Variants in DUSP12 observed in about 807,000 individuals in gnomAD.
DUSP12 encodes the protein dual specificity protein phosphatase 12.
Under a neutral mutation model 38.9 loss-of-function variants are expected in DUSP12, and 25 were observed. That is an observed-to-expected ratio of 0.64 (90% confidence interval 0.47 to 0.90). The LOEUF (loss-of-function observed/expected upper bound fraction) is 0.90, where lower values mean the gene tolerates loss of function less well. DUSP12 is among the 40% of genes least tolerant of loss of function. The pLI, the probability that DUSP12 is intolerant of heterozygous loss-of-function variation, is 0.00. For synonymous variants in DUSP12, 153 were observed against 153.9 expected (o/e 0.99, Z 0.05); for missense variants, 403 against 427.0 (o/e 0.94, Z 0.50).
chr1:161,753,901 T>C (rs1225707076), intron 5 of DUSP12, among the ~76,000 whole-genome samples: 1 of 146,006 alleles, frequency 6.8e-6, no homozygotes. Context: ...TTTGTTTTGC[T>C]ATGAGATTCT....
chr1:161,751,772 C>A lies in DUSP12; in HGVS notation c.449C>A (p.Pro150Gln), dbSNP rs1222930018. Residue 150 changes from proline (P) to glutamine (Q), a missense_variant, in exon 2 of 6, where the codon CCA becomes CAA. Coordinates refer to ENST00000367943, the MANE Select transcript of DUSP12 (RefSeq NM_007240.3). ...KAYEKLQILK[P>Q]EAKMNEGFEW... ...TATGAAAAGCTCCAGATTCTCAAAC[C>A]AGAGGCTAAGTGGGTTCTTTTTTTA... 1 of 1,612,318 alleles carries A rather than the reference C, an allele frequency of 6.2e-7. No homozygotes were observed. The highest frequency in any genetic ancestry group is 2.2e-5 in the East Asian group (1 of 44,854).
chr1:161,753,290 T>G (rs1167178624), intron 5 of DUSP12, 29 bp downstream of exon 5: 2 of 1,497,920 alleles, frequency 1.3e-6, no homozygotes, highest in Non-Finnish European at 1.8e-6. Context: ...TTCTACAATT[T>G]TATTTTATGA....
Position 161,753,163 on chromosome 1 carries a change from T to C in DUSP12, c.763T>C (p.Ser255Pro), listed in dbSNP as rs762443443. The change falls in exon 5 of 6, where the codon TCC becomes CCC. Residue 255 changes from serine (S) to proline (P), a missense_variant. Coordinates refer to ENST00000367943, the MANE Select transcript of DUSP12 (RefSeq NM_007240.3). ...AFAHKRMTPS[S>P]MLTTGRQAQC... The stretch of plus-strand genomic sequence containing the variant: ...TGCCCACAAGAGAATGACACCATCT[T>C]CCATGCTTACCACAGGGAGGCAAGC... The C allele has an allele frequency of 1.9e-6, 3 of 1,614,122 alleles. No individual in the cohort carries two copies. The highest frequency in any genetic ancestry group is 2.5e-6 in the Non-Finnish European group (3 of 1,179,984).
intron 5 of DUSP12, among the ~76,000 whole-genome samples, chr1:161,754,358 A>ACATAACAT: frequency 6.6e-6 from 1 of 152,244 alleles, no homozygotes; most frequent in Non-Finnish European, 1.5e-5. Flanking sequence ...GCCTTATTAT[A>ACATAACAT]GTATAATTCA....
chr1:161,754,423 A>G (rs1360322981), intron 5 of DUSP12, among the ~76,000 whole-genome samples: 4 of 152,178 alleles, frequency 2.6e-5, no homozygotes, highest in African/African-American at 9.7e-5. Flanking sequence ...TTTAAAGTGT[A>G]TTCACAGTGG....
Position 161,753,617 on chromosome 1 carries a change from T to G in DUSP12, c.861+356T>G, listed in dbSNP as rs1243227833. Among the ~76,000 whole-genome samples the G allele has an allele frequency of 2.0e-5, 3 of 152,056 alleles. No homozygotes were observed. In the East Asian group the frequency reaches 5.8e-4, roughly 29 times the overall value. On this transcript the variant is annotated intron_variant, in intron 5 of 5. Coordinates refer to ENST00000367943, the MANE Select transcript of DUSP12 (RefSeq NM_007240.3). ...GCTCATGCCTGTAATCTGAGCACTT[T>G]GGGAGGCTGAGGCGGGAGGATCACT...
In DUSP12 at chr1:161,753,258, A is replaced by T. The variant is rs747245079; in HGVS notation, c.858A>T (p.Gly286=). 6.4e-7 allele frequency: 1 copy of T among 1,563,266 alleles called. No homozygotes were observed. The highest frequency in any genetic ancestry group is 8.7e-7 in the Non-Finnish European group (1 of 1,154,846). The change falls in exon 5 of 6, where the codon GGA becomes GGT. Residue 286 remains glycine, a synonymous_variant. Transcript: ENST00000367943. ...CTGCTTTGTTGGGAGTGATGGATGGACAGGTGAGAACACATTTTATTTTCT... is the reference window on the plus strand; with the variant it reads ...CTGCTTTGTTGGGAGTGATGGATGGTCAGGTGAGAACACATTTTATTTTCT... The part of the protein sequence containing the change: ...MESALLGVMD[G]QLLCPKCSAK...
In DUSP12 at chr1:161,751,789, CT is replaced by C; in HGVS notation, c.458+15del. 1 of 1,603,258 alleles carries C rather than the reference CT, an allele frequency of 6.2e-7. No individual in the cohort carries two copies. Among genetic ancestry groups the C allele is most frequent in the South Asian group, 1.1e-5 (1 of 88,384 alleles). On this transcript the variant is annotated intron_variant, in intron 2 of 5. Coordinates refer to ENST00000367943, the MANE Select transcript of DUSP12 (RefSeq NM_007240.3). ...TCTCAAACCAGAGGCTAAGTGGGTT[CT>C]TTTTTTATAGTAATAATTATGCTTT...
intron 5 of DUSP12, among the ~76,000 whole-genome samples, chr1:161,754,895 A>G (rs1227428499): frequency 1.3e-5 from 2 of 152,106 alleles, no homozygotes; most frequent in Non-Finnish European, 2.9e-5. Context: ...CAATGGCACA[A>G]TCTTGGCTCA....
intron 4 of DUSP12, among the ~76,000 whole-genome samples, chr1:161,752,780 G>A (rs1003506027): frequency 4.6e-5 from 7 of 152,000 alleles, no homozygotes; most frequent in Non-Finnish European, 8.8e-5. Flanking sequence ...ACCTGAGATT[G>A]GGAATTTGAG....
chr1:161,750,351 G>A (rs1683998236), intron 1 of DUSP12, among the ~76,000 whole-genome samples: 2 of 152,236 alleles, frequency 1.3e-5, no homozygotes, highest in African/African-American at 4.8e-5. Context: ...ATTCATTCAT[G>A]CTTTAGTTGG....
At chr1:161,754,180 C>T (rs2101696037) in intron 5 of DUSP12, among the ~76,000 whole-genome samples, 1 of 152,230 alleles carries the variant, frequency 6.6e-6, no homozygotes, top group Middle Eastern at 3.4e-3. Flanking sequence ...AACCCTTTCA[C>T]TGTATTATAC....
At position 161,753,066 on chromosome 1, in the gene DUSP12, G is replaced by A. The variant is rs1684051922; in HGVS notation, c.675-9G>A. ...GTCATTAATGCTTTTGTTTGTTTGG[G>A]GGTTGCAGGCGATCATTATTTCGAA... On this transcript the variant is annotated splice_polypyrimidine_tract_variant and intron_variant, in intron 4 of 5. Transcript: ENST00000367943. The A allele has an allele frequency of 1.3e-6, 2 of 1,588,592 alleles. No individual in the cohort carries two copies. Among genetic ancestry groups the A allele is most frequent in the Admixed American group, 3.6e-5 (2 of 56,008 alleles).
In DUSP12 at chr1:161,751,962, A is replaced by G. The variant is rs1173923304; in HGVS notation, c.555A>G (p.Gln185=). Residue 185 remains glutamine, a synonymous_variant, in exon 3 of 6, where the codon CAA becomes CAG. Coordinates refer to ENST00000367943, the MANE Select transcript of DUSP12 (RefSeq NM_007240.3). ...SSAIYKQYRL[Q]KVTEKYPELQ... ...CAATTTATAAGCAATATCGTTTACA[A>G]AAGGTTACAGAGAAGTATCCAGGTA... The G allele has an allele frequency of 6.2e-7, 1 of 1,610,300 alleles. No individual in the cohort carries two copies. Among genetic ancestry groups the G allele is most frequent in the African/African-American group, 1.3e-5 (1 of 74,784 alleles).
rs765014465 is a variant in DUSP12 at position 161,752,465 on chromosome 1, G to A, written c.674+1G>A. The A allele has an allele frequency of 2.0e-5, 32 of 1,593,466 alleles. No individual in the cohort carries two copies. The highest frequency in any genetic ancestry group is 2.7e-5 in the Non-Finnish European group (31 of 1,163,664). The stretch of plus-strand genomic sequence containing the variant: ...TTCTCTACAAGTGTAGAAAGTGCAG[G>A]TAAACTATTTTATATCCTTTGGATA... On this transcript the variant is annotated splice_donor_variant, in intron 4 of 5. Coordinates refer to ENST00000367943, the MANE Select transcript of DUSP12 (RefSeq NM_007240.3). LOFTEE classifies it high-confidence loss of function.
chr1:161,754,686 A>G (rs563348134), intron 5 of DUSP12, among the ~76,000 whole-genome samples: 25 of 152,314 alleles, frequency 1.6e-4, no homozygotes, highest in Non-Finnish European at 2.4e-4. Flanking sequence ...GTGCTCATTC[A>G]CTATCACGAG....
rs369447270 is a variant in DUSP12, at chr1:161,753,113, G to A, written c.713G>A (p.Arg238His). The A allele has an allele frequency of 5.8e-5, 94 of 1,611,676 alleles. No homozygotes were observed. Among genetic ancestry groups the A allele is most frequent in the Non-Finnish European group, 7.9e-5 (93 of 1,179,152 alleles). Residue 238 changes from arginine to histidine, a missense_variant, in exon 5 of 6, where the codon CGT (arginine) becomes CAT (histidine). Arg to His is a conservative substitution (Grantham distance 29). Transcript: ENST00000367943. ...CGAAGTTCTAGTATTCTGGATCACC[G>A]TGAAGGAAGTGGACCTATAGCCTTT... ...LFRSSSILDH[R>H]EGSGPIAFAH...
chr1:161,757,213 T>C lies in DUSP12; in HGVS notation c.*266T>C, dbSNP rs1331956489. On this transcript the variant is annotated 3_prime_UTR_variant, in exon 6 of 6. Coordinates refer to ENST00000367943, the MANE Select transcript of DUSP12 (RefSeq NM_007240.3). ...AAAAGTTTTGATTGTTGGAATGTTA[T>C]ATGATCTTAAGGTCTGTATAGACAA... 3.7e-6 allele frequency: 1 copy of C among 272,892 alleles called. No homozygotes were observed. Among genetic ancestry groups the C allele is most frequent in the East Asian group, 6.6e-5 (1 of 15,064 alleles). 16.9% of individuals were successfully genotyped at this position (272,892 alleles called of 1,614,324 possible).
rs1388910411 is a variant in DUSP12, at chr1:161,757,153, T to A, written c.*206T>A. On this transcript the variant is annotated 3_prime_UTR_variant, in exon 6 of 6. Transcript: ENST00000367943. ...CATTTTATTTGATATTAAAATCTTTTATAACCAGATACTGTCTGTGTTTCA... is the reference window on the plus strand; with the variant it reads ...CATTTTATTTGATATTAAAATCTTTAATAACCAGATACTGTCTGTGTTTCA... 2.3e-6 allele frequency: 1 copy of A among 438,594 alleles called. No individual in the cohort carries two copies. Among genetic ancestry groups the A allele is most frequent in the East Asian group, 3.6e-5 (1 of 27,866 alleles). 27.2% of individuals were successfully genotyped at this position (438,594 alleles called of 1,614,324 possible).
Sources: gnomAD v4.1 joint callset for allele counts (sites outside exome capture counted in the v4.1 genomes callset) on GRCh38, gnomAD v4.1.1 for gene constraint, MANE v1.5 for transcripts, NCBI Gene and HGNC (gene_info 2026-07-23, HGNC 2026-07-21) for gene names.